The following SPAG1 variants were observed in gnomAD, a reference collection of about 807,000 sequenced individuals.
SPAG1 encodes the protein sperm-associated antigen 1.
A neutral mutation model predicts 100.5 loss-of-function variants in SPAG1; 69 were observed. The ratio of observed to expected loss-of-function variants is 0.69; its 90% CI spans 0.57 to 0.84. SPAG1 has a LOEUF of 0.84. Among genes scored for constraint, SPAG1 ranks in the 40% least tolerant of loss-of-function variants. The pLI is 0.00. For missense variants in SPAG1, 955 were observed against 1,133.1 expected, an observed-to-expected ratio of 0.84 and a Z score of 2.26; for synonymous variants, 336 against 411.6, an observed-to-expected ratio of 0.82 and a Z score of 2.22.
chr8:100,223,548 C>A (rs930635486), intron 13 of SPAG1, among the ~76,000 whole-genome samples: 3 of 150,050 alleles, frequency 2.0e-5, no homozygotes, highest in Non-Finnish European at 4.4e-5. Context: ...TCCATCTATT[C>A]CAATTCATTA....
intron 3 of SPAG1, among the ~76,000 whole-genome samples, chr8:100,170,800 CATTTATTTATTTATTT>C (rs138359646): frequency 1.4e-3 from 159 of 113,566 alleles, no homozygotes; most frequent in East Asian, 4.9e-3. Flanking sequence ...TCCAGTCTGC[CATTTATTTATTTATTT>C]ATTTATTTAT....
chr8:100,209,436 A>G (rs916211731), intron 10 of SPAG1, among the ~76,000 whole-genome samples: 1 of 149,652 alleles, frequency 6.7e-6, no homozygotes, highest in African/African-American at 2.4e-5. Flanking sequence ...CAAAAAAAAA[A>G]AAAGAAGAAG....
At chr8:100,204,621 A>G (rs1282843264) in intron 10 of SPAG1, among the ~76,000 whole-genome samples, 2 of 152,188 alleles carry the variant, frequency 1.3e-5, no homozygotes, top group Non-Finnish European at 2.9e-5. Context: ...TTGGGTTAAT[A>G]TAGAGGAAGG....
At chr8:100,159,773 TA>T (rs1003305862) in intron 1 of SPAG1, among the ~76,000 whole-genome samples, 1 of 152,240 alleles carries the variant, frequency 6.6e-6, no homozygotes, top group African/African-American at 2.4e-5. Context: ...TGCAACTCAC[TA>T]AATTTATTTA....
chr8:100,173,992 G>T (rs958811021), intron 3 of SPAG1, among the ~76,000 whole-genome samples: 1 of 152,178 alleles, frequency 6.6e-6, no homozygotes, highest in East Asian at 1.9e-4. Flanking sequence ...AAGGTAGGAA[G>T]TATGTTCCAG....
intron 2 of SPAG1, chr8:100,165,564 T>C: frequency 2.4e-6 from 1 of 415,934 alleles, no homozygotes; most frequent in African/African-American, 2.0e-5. Context: ...ACCGCCCCAC[T>C]CACCCTTATC....
chr8:100,158,042 C>T (rs1377896054), upstream of SPAG1: 1 of 152,196 alleles, frequency 6.6e-6, no homozygotes, highest in African/African-American at 2.4e-5. Context: ...GGCGACGAGA[C>T]CCTCCCTCAG....
At position 100,162,179 on chromosome 8, in the gene SPAG1, A is replaced by G. The variant is rs559319824; in HGVS notation, c.-2-100A>G. 658 of 1,068,800 alleles carry G rather than the reference A, an allele frequency of 6.2e-4. 2 individuals carry two copies. The highest frequency in any genetic ancestry group is 8.2e-4 in the Non-Finnish European group (615 of 752,000). 66.2% of individuals were successfully genotyped at this position (1,068,800 alleles called of 1,614,324 possible). ...CTCTGTCTCTACAAAAAATTTTTAA[A>G]AATTCAAAAAAATACAAAGAAGTAC... On this transcript the variant is annotated intron_variant, in intron 1 of 18. Coordinates refer to ENST00000388798, the MANE Select transcript of SPAG1 (RefSeq NM_003114.5).
intron 9 of SPAG1, 112 bp from the exon 10 acceptor site, chr8:100,194,000 C>T: frequency 1.1e-6 from 1 of 930,272 alleles, no homozygotes; most frequent in Non-Finnish European, 1.5e-6. Flanking sequence ...CAAAAAAAAG[C>T]CTTGTCTTAG....
At chr8:100,233,277 TAA>T (rs1178113723) in intron 15 of SPAG1, 132 bp from the exon 16 acceptor site, 6 of 946,670 alleles carry the variant, frequency 6.3e-6, no homozygotes, top group Non-Finnish European at 8.1e-6. Context: ...AATCAAATGT[TAA>T]GTTTCAATGG....
At chr8:100,196,570 CTGT>C (rs757600676) in intron 10 of SPAG1, among the ~76,000 whole-genome samples, 18 of 152,162 alleles carry the variant, frequency 1.2e-4, no homozygotes, top group Non-Finnish European at 1.9e-4. Flanking sequence ...TGTTTTCCTA[CTGT>C]TAAGTCCTGA....
intron 10 of SPAG1, chr8:100,194,795 A>T (rs1033461941): frequency 6.2e-6 from 1 of 162,324 alleles, no homozygotes; most frequent in Non-Finnish European, 1.3e-5. Context: ...GGTTATCTTC[A>T]TAATATAAAA....
intron 4 of SPAG1, among the ~76,000 whole-genome samples, chr8:100,180,242 G>A (rs1465027481): frequency 6.6e-6 from 1 of 152,180 alleles, no homozygotes; most frequent in Non-Finnish European, 1.5e-5. Flanking sequence ...GGAGACTGAG[G>A]TAAGAGGATT....
Position 100,220,330 on chromosome 8 carries a change from G to C in SPAG1, c.1587G>C (p.Met529Ile). 6.2e-7 allele frequency: 1 copy of C among 1,614,040 alleles called. No homozygotes were observed. Among genetic ancestry groups the C allele is most frequent in the Non-Finnish European group, 8.5e-7 (1 of 1,179,952 alleles). Residue 529 changes from methionine to isoleucine, a missense_variant, in exon 13 of 19, where the codon ATG becomes ATC. Met to Ile is a conservative substitution (Grantham distance 10). Transcript: ENST00000388798. ...TGAAACCTCTTCTGAGGCGGGCGATGGCCTATGAAACTCTAGAGCAGTATG... is the reference window on the plus strand; with the variant it reads ...TGAAACCTCTTCTGAGGCGGGCGATCGCCTATGAAACTCTAGAGCAGTATG... ...FSMKPLLRRA[M>I]AYETLEQYGK... is the part of the protein sequence containing the mutation.
chr8:100,175,419 G>A (rs536272720), intron 3 of SPAG1, among the ~76,000 whole-genome samples: 1 of 151,736 alleles, frequency 6.6e-6, no homozygotes, highest in Admixed American at 6.6e-5. Context: ...CGAGTAGCTG[G>A]GACTACAGGC....
chr8:100,230,849 G>A (rs1228806861), intron 14 of SPAG1, among the ~76,000 whole-genome samples: 1 of 152,060 alleles, frequency 6.6e-6, no homozygotes, highest in Admixed American at 6.6e-5. Flanking sequence ...TTGAACTCCT[G>A]ACCTCAGGTG....
chr8:100,183,418 A>G lies in SPAG1; in HGVS notation c.470A>G (p.Asp157Gly), dbSNP rs760592722. The change falls in exon 5 of 19, where the codon GAT (aspartate) becomes GGT (glycine). Residue 157 changes from aspartate to glycine, a missense_variant. Transcript: ENST00000388798. ...CCAACTAAAAAGAAAACTCCAAGGG[A>G]TTACGCGGAATGGGATAAGTATGTT... ...KRPTKKKTPRDYAEWDKFDVE... is the reference protein window; with the variant it reads ...KRPTKKKTPRGYAEWDKFDVE... 2.7e-6 allele frequency: 4 copies of G among 1,498,350 alleles called. 1 individual carries two copies. The highest frequency in any genetic ancestry group is 2.4e-5 in the South Asian group (2 of 84,872). 92.8% of individuals were successfully genotyped at this position (1,498,350 alleles called of 1,614,324 possible).
chr8:100,166,762 C>T (rs1815577347), intron 3 of SPAG1, among the ~76,000 whole-genome samples: 1 of 151,998 alleles, frequency 6.6e-6, no homozygotes, highest in African/African-American at 2.4e-5. Flanking sequence ...TAAAAATTAG[C>T]TGGACGTGGT....
intron 13 of SPAG1, among the ~76,000 whole-genome samples, chr8:100,221,711 T>G (rs1818289583): frequency 6.6e-6 from 1 of 152,230 alleles, no homozygotes; most frequent in African/African-American, 2.4e-5. Context: ...CCAGGCCACC[T>G]GTGTCTGTAT....
Sources: allele counts gnomAD v4.1 joint callset (sites outside exome capture counted in the v4.1 genomes callset), GRCh38; gene constraint gnomAD v4.1.1; transcripts MANE v1.5; gene names NCBI Gene and HGNC (gene_info 2026-07-23, HGNC 2026-07-21).